NEK11: variants seen among roughly 807,000 people sequenced by gnomAD.
NEK11 encodes the protein serine/threonine-protein kinase Nek11.
A neutral mutation model predicts 80.7 loss-of-function variants in NEK11; 72 were observed. The ratio of observed to expected loss-of-function variants is 0.89; its 90% CI spans 0.74 to 1.08. The LOEUF is 1.08. NEK11 is among the 50% of genes least tolerant of loss of function. NEK11 has a pLI of 0.00. For missense variants in NEK11, 764 were observed against 763.6 expected, an observed-to-expected ratio of 1.00 and a Z score of -0.01; for synonymous variants, 251 against 260.7, an observed-to-expected ratio of 0.96 and a Z score of 0.36.
chr3:131,031,361 T>A (rs116587755), intron 3 of NEK11, among the ~76,000 whole-genome samples: 2,006 of 152,296 alleles, frequency 0.013, 39 homozygotes, highest in African/African-American at 0.045. Flanking sequence ...CCATTTAGAA[T>A]AGAATGATAA....
rs115108653 is a variant in NEK11 at position 131,052,242 on chromosome 3, T to C, written c.170+22364T>C. On this transcript the variant is annotated intron_variant, in intron 3 of 17. Transcript: ENST00000383366. ...TTTTTTTTTAAACAGCTCAATAGCATGTTCCATGGTGTGGTTGTAGTATAA... is the reference window on the plus strand; with the variant it reads ...TTTTTTTTTAAACAGCTCAATAGCACGTTCCATGGTGTGGTTGTAGTATAA... Among the ~76,000 whole-genome samples, 1,234 of 151,606 alleles carry C rather than the reference T, an allele frequency of 8.1e-3. 23 individuals are homozygous for C. The highest frequency in any genetic ancestry group is 0.028 in the African/African-American group (1,167 of 41,344).
At chr3:131,223,461 A>G (rs1021478121) in intron 14 of NEK11, among the ~76,000 whole-genome samples, 1 of 152,206 alleles carries the variant, frequency 6.6e-6, no homozygotes, top group African/African-American at 2.4e-5. Context: ...GTCTGTACAC[A>G]ATGAGCTACG....
intron 4 of NEK11, chr3:131,087,934 G>A (rs531193260): frequency 2.0e-5 from 3 of 152,394 alleles, no homozygotes; most frequent in Non-Finnish European, 2.9e-5. Context: ...AACACCCCTG[G>A]AATTTGACCA....
chr3:131,306,965 T>G (rs920673311), intron 17 of NEK11, among the ~76,000 whole-genome samples: 2 of 152,176 alleles, frequency 1.3e-5, no homozygotes, highest in African/African-American at 4.8e-5. Context: ...CATGACTCCA[T>G]GGATTTGCCT....
At chr3:131,306,042 G>C (rs183792150) in intron 17 of NEK11, among the ~76,000 whole-genome samples, 127 of 152,152 alleles carry the variant, frequency 8.3e-4, no homozygotes, top group African/African-American at 2.8e-3. Flanking sequence ...TAGGATTTAA[G>C]AAATCCTAAG....
intron 14 of NEK11, among the ~76,000 whole-genome samples, chr3:131,191,322 C>T (rs887154942): frequency 6.6e-6 from 1 of 152,134 alleles, no homozygotes; most frequent in Non-Finnish European, 1.5e-5. Context: ...GCCTGCATTC[C>T]TTCTGGAGGC....
In NEK11 at chr3:131,080,559, A is replaced by G; in HGVS notation, c.307A>G (p.Asn103Asp). ...CCATGCAAGTTTTGTGGAGCAAGAT[A>G]ATTTCTGCATTATCACGGAGTACTG... The part of the protein sequence containing the change: ...KFHASFVEQD[N>D]FCIITEYCEG... The change falls in exon 4 of 18, where the codon AAT (asparagine) becomes GAT (aspartate). Residue 103 changes from asparagine (N) to aspartate (D), a missense_variant. Physicochemically the swap from Asn to Asp is conservative, Grantham distance 23. Transcript: ENST00000383366. The G allele has an allele frequency of 2.5e-6, 4 of 1,613,214 alleles. No individual in the cohort carries two copies. The highest frequency in any genetic ancestry group is 3.4e-6 in the Non-Finnish European group (4 of 1,179,798).
Position 131,215,434 on chromosome 3 carries a change from T to TA in NEK11, c.1400-13084dup, listed in dbSNP as rs568730862. 1.0e-3 allele frequency among the ~76,000 whole-genome samples: 150 copies of TA among 146,932 alleles called. 1 individual carries two copies. Among genetic ancestry groups the TA allele is most frequent in the Admixed American group, 1.4e-3 (21 of 14,658 alleles). The stretch of plus-strand genomic sequence containing the variant: ...ACTTAAAGTATAACAAAAAAATATA[T>TA]AAAAAAAAAAGAAAAGAAAGATATT... On this transcript the variant is annotated intron_variant, in intron 14 of 17. Coordinates refer to ENST00000383366, the MANE Select transcript of NEK11 (RefSeq NM_024800.5).
At position 131,222,195 on chromosome 3, in the gene NEK11, A is replaced by G. The variant is rs377030690; in HGVS notation, c.1400-6333A>G. Among the ~76,000 whole-genome samples the G allele has an allele frequency of 5.3e-5, 8 of 152,336 alleles. No homozygotes were observed. In the East Asian group the frequency reaches 1.2e-3, roughly 22 times the overall value. ...TTTCTAACTAACCATAAATAGACTT[A>G]TTCAGTGAAAGAAAGGGGATTCAGA... On this transcript the variant is annotated intron_variant, in intron 14 of 17. Coordinates refer to ENST00000383366, the MANE Select transcript of NEK11 (RefSeq NM_024800.5).
intron 17 of NEK11, chr3:131,329,797 G>A (rs1469111379): frequency 6.6e-6 from 1 of 152,402 alleles, no homozygotes; most frequent in East Asian, 1.9e-4. Context: ...TGTGCCTAAT[G>A]CGTTCAAAGA....
intron 15 of NEK11, among the ~76,000 whole-genome samples, chr3:131,241,445 G>T (rs1181903708): frequency 6.6e-6 from 1 of 152,028 alleles, no homozygotes; most frequent in East Asian, 1.9e-4. Context: ...TGCTTCTGAA[G>T]AATTTTTAAT....
rs1428162901 is a variant in NEK11 at position 131,349,907 on chromosome 3, TC to T, written c.*132del. 1.2e-5 allele frequency: 8 copies of T among 681,072 alleles called. No individual in the cohort carries two copies. The African/African-American group carries it at 1.4e-4, about 12-fold the overall frequency. 42.2% of individuals were successfully genotyped at this position (681,072 alleles called of 1,614,324 possible). Reference sequence around the variant, plus strand: ...TCCCATCTTGACTTTCAATTCCTCATCAGAAGTACTGGCTTCTTTAGAGAGT... The same window carrying T: ...TCCCATCTTGACTTTCAATTCCTCATAGAAGTACTGGCTTCTTTAGAGAGT... On this transcript the variant is annotated 3_prime_UTR_variant, in exon 18 of 18. Transcript: ENST00000383366.
chr3:131,090,493 A>G (rs1342909090), intron 4 of NEK11, among the ~76,000 whole-genome samples: 3 of 152,234 alleles, frequency 2.0e-5, no homozygotes, highest in African/African-American at 7.2e-5. Flanking sequence ...ACTATTAAAT[A>G]TTTCTCAAGG....
At chr3:131,157,746 A>T (rs2090921064) in intron 10 of NEK11, among the ~76,000 whole-genome samples, 1 of 152,126 alleles carries the variant, frequency 6.6e-6, no homozygotes, top group African/African-American at 2.4e-5. Flanking sequence ...GGGCCACTGT[A>T]CACCTGTGCA....
intron 10 of NEK11, among the ~76,000 whole-genome samples, chr3:131,159,234 T>C (rs950092627): frequency 1.3e-5 from 2 of 152,186 alleles, no homozygotes; most frequent in East Asian, 3.9e-4. Context: ...GACTGCCTTC[T>C]TTCCTCCAGG....
At chr3:131,214,604 A>C (rs762345777) in intron 14 of NEK11, among the ~76,000 whole-genome samples, 1 of 152,174 alleles carries the variant, frequency 6.6e-6, no homozygotes, top group Non-Finnish European at 1.5e-5. Flanking sequence ...TCATCTTGAC[A>C]TATAGGATAA....
intron 5 of NEK11, among the ~76,000 whole-genome samples, chr3:131,116,798 C>T (rs1578517288): frequency 6.6e-6 from 1 of 152,218 alleles, no homozygotes; most frequent in Non-Finnish European, 1.5e-5. Flanking sequence ...CTGTTCATAT[C>T]CTTTGCCCAC....
intron 17 of NEK11, among the ~76,000 whole-genome samples, chr3:131,337,981 C>T (rs1047540619): frequency 5.9e-5 from 9 of 151,994 alleles, no homozygotes; most frequent in Non-Finnish European, 1.2e-4. Context: ...CTTGCTCTGT[C>T]ACCCAGGCTG....
At chr3:131,211,653 G>T (rs1419348418) in intron 14 of NEK11, among the ~76,000 whole-genome samples, 1 of 152,160 alleles carries the variant, frequency 6.6e-6, no homozygotes, top group Non-Finnish European at 1.5e-5. Flanking sequence ...GTTTCTTGGA[G>T]GCTTTGTTCA....
Sources: allele counts gnomAD v4.1 joint callset (sites outside exome capture counted in the v4.1 genomes callset), GRCh38; gene constraint gnomAD v4.1.1; transcripts MANE v1.5; gene names NCBI Gene and HGNC (gene_info 2026-07-23, HGNC 2026-07-21).